The following CDH17 variants were observed in gnomAD, a reference collection of about 807,000 sequenced individuals.
CDH17 encodes the protein cadherin 17, also known as cadherin-17.
In CDH17, 67 loss-of-function variants were observed where a neutral mutation model predicts 86.3. The observed-to-expected ratio is 0.78, with a 90% CI of 0.64 to 0.95. The LOEUF is 0.95. Among genes scored for constraint, CDH17 ranks in the 40% least tolerant of loss-of-function variants. The pLI, the probability that CDH17 is intolerant of heterozygous loss-of-function variation, is 0.00. For missense variants in CDH17, 993 were observed against 1,017.6 expected (o/e 0.98, Z 0.33); for synonymous variants, 367 against 366.4 (o/e 1.00, Z -0.02).
At chr8:94,215,863 GTTTTT>G (rs11398758) in intron 1 of CDH17, among the ~76,000 whole-genome samples, 1 of 140,104 alleles carries the variant, frequency 7.1e-6, no homozygotes. Context: ...AGTATACGAG[GTTTTT>G]TTTTTTTTTT....
intron 3 of CDH17, among the ~76,000 whole-genome samples, chr8:94,183,031 T>G (rs1813512074): frequency 6.6e-6 from 1 of 151,938 alleles, no homozygotes; most frequent in Non-Finnish European, 1.5e-5. Context: ...ATAACATATC[T>G]CAGAATAAAC....
chr8:94,141,169 A>T (rs1812629392), intron 15 of CDH17, among the ~76,000 whole-genome samples: 1 of 152,076 alleles, frequency 6.6e-6, no homozygotes, highest in Non-Finnish European at 1.5e-5. Context: ...TCAAAAGTTG[A>T]TAATAATGCA....
intron 10 of CDH17, among the ~76,000 whole-genome samples, chr8:94,164,545 G>T (rs1813117918): frequency 6.6e-6 from 1 of 152,136 alleles, no homozygotes; most frequent in East Asian, 1.9e-4. Flanking sequence ...AAATATTAGG[G>T]CCTTAATATT....
chr8:94,162,926 G>A (rs1410449256), intron 10 of CDH17, among the ~76,000 whole-genome samples: 2 of 152,184 alleles, frequency 1.3e-5, no homozygotes, highest in Non-Finnish European at 2.9e-5. Flanking sequence ...TTCTAACCAT[G>A]GTGCACTGCA....
At chr8:94,145,809 ACTTC>A in intron 15 of CDH17, 115 bp downstream of exon 15, 2 of 1,134,956 alleles carry the variant, frequency 1.8e-6, no homozygotes, top group Non-Finnish European at 2.5e-6. Flanking sequence ...CAAAGCATGA[ACTTC>A]CTTCCTGAAG....
chr8:94,152,757 C>G (rs1452383799), intron 12 of CDH17, among the ~76,000 whole-genome samples: 1 of 152,200 alleles, frequency 6.6e-6, no homozygotes, highest in Non-Finnish European at 1.5e-5. Context: ...AACATGGCAC[C>G]AGCATCTGTT....
intron 1 of CDH17, among the ~76,000 whole-genome samples, chr8:94,207,580 T>C (rs539365914): frequency 6.4e-4 from 98 of 152,348 alleles, no homozygotes; most frequent in African/African-American, 2.3e-3. Flanking sequence ...GCATTCATCT[T>C]CCTTTCATCT....
intron 15 of CDH17, among the ~76,000 whole-genome samples, chr8:94,134,589 G>A (rs941766249): frequency 1.3e-5 from 2 of 151,788 alleles, no homozygotes; most frequent in Admixed American, 6.6e-5. Flanking sequence ...CAATTTTGTT[G>A]ATCTTTTCAA....
chr8:94,193,419 A>G (rs1451764192), intron 2 of CDH17, among the ~76,000 whole-genome samples: 1 of 152,186 alleles, frequency 6.6e-6, no homozygotes, highest in Admixed American at 6.5e-5. Flanking sequence ...GTGTTTAACC[A>G]CCAGTCGCTG....
At chr8:94,131,595 G>C (rs1812416672) in intron 15 of CDH17, among the ~76,000 whole-genome samples, 1 of 151,822 alleles carries the variant, frequency 6.6e-6, no homozygotes, top group Admixed American at 6.6e-5. Context: ...GCCTTCCTGT[G>C]CTTAGGAATT....
At chr8:94,165,617 CTG>C in intron 10 of CDH17, 142 bp downstream of exon 10, 1 of 664,074 alleles carries the variant, frequency 1.5e-6, no homozygotes, top group Non-Finnish European at 2.7e-6. Flanking sequence ...CCAGCTATCT[CTG>C]TGTTATGTGT....
At chr8:94,215,859 C>A (rs1056829512) in intron 1 of CDH17, among the ~76,000 whole-genome samples, 2 of 135,010 alleles carry the variant, frequency 1.5e-5, no homozygotes, top group South Asian at 2.7e-4. Flanking sequence ...TTTAAGTATA[C>A]GAGGTTTTTT....
Position 94,148,757 on chromosome 8 carries a change from C to T in CDH17, c.1914G>A (p.Val638=). The T allele has an allele frequency of 5.9e-6, 9 of 1,522,822 alleles. No homozygotes were observed. The highest frequency in any genetic ancestry group is 7.9e-6 in the Non-Finnish European group (9 of 1,137,360). 94.3% of individuals were successfully genotyped at this position (1,522,822 alleles called of 1,614,324 possible). ...TTTTTTGCTTACCTACTTCTGTGGC[C>T]ACCACTTGTACCCGATATGGACTTC... The part of the protein sequence containing the change: ...EAGSPYRVQV[V]ATEVGGSSLS... Residue 638 remains valine (V), a synonymous_variant, in exon 14 of 18, where the codon GTG becomes GTA. Coordinates refer to ENST00000027335, the MANE Select transcript of CDH17 (RefSeq NM_004063.4).
At chr8:94,153,646 GCATACATACA>G (rs975785007) in intron 12 of CDH17, among the ~76,000 whole-genome samples, 1 of 152,038 alleles carries the variant, frequency 6.6e-6, no homozygotes, top group African/African-American at 2.4e-5. Flanking sequence ...GTATATATAT[GCATACATACA>G]CATACATACA....
chr8:94,152,197 A>G (rs1189907104), intron 12 of CDH17, 85 bp from the exon 13 acceptor site: 53 of 1,401,968 alleles, frequency 3.8e-5, no homozygotes, highest in Non-Finnish European at 5.1e-5. Context: ...AAACTCTCAT[A>G]TATTCGATAT....
Position 94,190,264 on chromosome 8 carries a change from T to C in CDH17, c.52-979A>G, listed in dbSNP as rs566137026. Among the ~76,000 whole-genome samples the C allele has an allele frequency of 2.6e-5, 4 of 152,334 alleles. No individual in the cohort carries two copies. In the East Asian group the frequency reaches 7.7e-4, roughly 29 times the overall value. On this transcript the variant is annotated intron_variant, in intron 2 of 17. Transcript: ENST00000027335. ...AACTCTGGAACCAGCCCTCTCAGCC[T>C]CTATGCACCAGCACCCACCAGAGCG...
chr8:94,155,499 C>T (rs1812929807), intron 12 of CDH17, among the ~76,000 whole-genome samples: 1 of 152,120 alleles, frequency 6.6e-6, no homozygotes, highest in Non-Finnish European at 1.5e-5. Flanking sequence ...GCACATGCAT[C>T]CATCCTCACC....
intron 12 of CDH17, among the ~76,000 whole-genome samples, chr8:94,157,728 G>A (rs936471233): frequency 6.6e-6 from 1 of 152,072 alleles, no homozygotes; most frequent in Non-Finnish European, 1.5e-5. Flanking sequence ...ACCAGCCTGG[G>A]CAACATAAGG....
intron 15 of CDH17, among the ~76,000 whole-genome samples, chr8:94,145,473 G>T (rs1025788620): frequency 6.6e-6 from 1 of 152,196 alleles, no homozygotes; most frequent in Non-Finnish European, 1.5e-5. Flanking sequence ...GAGGGGATGG[G>T]TGGGAAGCAG....
Sources: gnomAD v4.1 joint callset for allele counts (sites outside exome capture counted in the v4.1 genomes callset) on GRCh38, gnomAD v4.1.1 for gene constraint, MANE v1.5 for transcripts, NCBI Gene and HGNC (gene_info 2026-07-23, HGNC 2026-07-21) for gene names.